The following MAN2A1 variants were observed in gnomAD, a reference collection of about 807,000 sequenced individuals.
MAN2A1 encodes the protein mannosidase alpha class 2A member 1, also known as alpha-mannosidase 2.
A neutral mutation model predicts 142.6 loss-of-function variants in MAN2A1; 76 were observed. That is an observed-to-expected ratio of 0.53 (90% confidence interval 0.44 to 0.65). The LOEUF is 0.65. Ranked by LOEUF, MAN2A1 falls within the 30% of genes least tolerant of loss-of-function variation. The probability of loss-of-function intolerance (pLI) is 0.00; values close to 1 mark genes in which losing one functional copy is unlikely to be tolerated. For synonymous variants in MAN2A1, 559 were observed against 473.2 expected (o/e 1.18, Z -2.35); for missense variants, 1,311 against 1,365.1 (o/e 0.96, Z 0.62).
At chr5:109,840,573 G>A in intron 16 of MAN2A1, 1 of 504,332 alleles carries the variant, frequency 2.0e-6, no homozygotes, top group South Asian at 1.4e-5. Context: ...CCTGCTCTTT[G>A]TTTCCTTAAC....
chr5:109,716,046 A>G, intron 2 of MAN2A1, 74 bp from the exon 3 acceptor site: 2 of 1,052,212 alleles, frequency 1.9e-6, no homozygotes, highest in Non-Finnish European at 1.4e-6. Context: ...AGCAGTGAAT[A>G]ATTTTGAGCA....
Position 109,855,228 on chromosome 5 carries a change from A to G in MAN2A1, c.3065A>G (p.Asn1022Ser), listed in dbSNP as rs771637891. 1.2e-6 allele frequency: 2 copies of G among 1,602,520 alleles called. No individual in the cohort carries two copies. The highest frequency in any genetic ancestry group is 1.1e-5 in the South Asian group (1 of 89,520). The change falls in exon 20 of 22, where the codon AAT becomes AGT. Residue 1022 changes from asparagine to serine, a missense_variant. Physicochemically the swap from Asn to Ser is conservative, Grantham distance 46. Coordinates refer to ENST00000261483, the MANE Select transcript of MAN2A1 (RefSeq NM_002372.4). ...LMNHPVIPMA[N>S]KFSSPTLELQ... ...AATCATCCAGTCATTCCAATGGCAA[A>G]TAAGTTCTCCTCACCTACCCTTGAG...
At chr5:109,722,916 T>C (rs1020164599) in intron 3 of MAN2A1, among the ~76,000 whole-genome samples, 2 of 152,170 alleles carry the variant, frequency 1.3e-5, no homozygotes, top group Non-Finnish European at 2.9e-5. Context: ...GAAGACTTAC[T>C]ATGCCTGAAG....
chr5:109,694,335 G>A (rs1486775736), intron 1 of MAN2A1, among the ~76,000 whole-genome samples: 5 of 151,844 alleles, frequency 3.3e-5, no homozygotes, highest in Admixed American at 2.0e-4. Context: ...GTGAGAACTT[G>A]TATACCTTTT....
At chr5:109,760,825 C>G (rs1197363878) in intron 5 of MAN2A1, among the ~76,000 whole-genome samples, 1 of 151,732 alleles carries the variant, frequency 6.6e-6, no homozygotes, top group Admixed American at 6.6e-5. Flanking sequence ...GGTGATATCC[C>G]CTTTATCATT....
At chr5:109,856,249 G>A (rs1352159859) in intron 20 of MAN2A1, among the ~76,000 whole-genome samples, 2 of 152,130 alleles carry the variant, frequency 1.3e-5, no homozygotes, top group African/African-American at 2.4e-5. Flanking sequence ...GGGAAAAATA[G>A]CAATAGTATA....
intron 3 of MAN2A1, among the ~76,000 whole-genome samples, chr5:109,726,952 T>C (rs138479062): frequency 5.3e-5 from 8 of 152,362 alleles, no homozygotes; most frequent in South Asian, 2.1e-4. Context: ...CCATTTCATT[T>C]ACATGGTCCT....
intron 19 of MAN2A1, among the ~76,000 whole-genome samples, chr5:109,849,434 TC>T (rs1554083498): frequency 6.6e-6 from 1 of 151,884 alleles, no homozygotes; most frequent in South Asian, 2.1e-4. Flanking sequence ...TTTTCAGTGT[TC>T]CCCCCAGTCA....
At chr5:109,778,473 T>C (rs1212495770) in intron 8 of MAN2A1, among the ~76,000 whole-genome samples, 2 of 152,256 alleles carry the variant, frequency 1.3e-5, no homozygotes, top group Admixed American at 6.5e-5. Flanking sequence ...ATGTTTGCTG[T>C]AGAATTTTGT....
At chr5:109,691,979 A>G (rs1301544933) in intron 1 of MAN2A1, among the ~76,000 whole-genome samples, 1 of 152,230 alleles carries the variant, frequency 6.6e-6, no homozygotes, top group African/African-American at 2.4e-5. Flanking sequence ...TCCCTCCAGT[A>G]ACCTCATTTT....
At chr5:109,806,063 G>T (rs1224688736) in intron 12 of MAN2A1, among the ~76,000 whole-genome samples, 1 of 152,174 alleles carries the variant, frequency 6.6e-6, no homozygotes, top group African/African-American at 2.4e-5. Flanking sequence ...TGGCACTGCA[G>T]GTGGGGAGGC....
intron 4 of MAN2A1, among the ~76,000 whole-genome samples, chr5:109,746,630 A>G (rs1752414776): frequency 6.7e-6 from 1 of 149,268 alleles, no homozygotes; most frequent in Non-Finnish European, 1.5e-5. Context: ...AGCATAACAT[A>G]AAATTTACTA....
chr5:109,852,805 A>T (rs1298649163), intron 19 of MAN2A1, among the ~76,000 whole-genome samples: 1 of 152,210 alleles, frequency 6.6e-6, no homozygotes, highest in Non-Finnish European at 1.5e-5. Flanking sequence ...TTATCATATG[A>T]TTTACAGTGG....
chr5:109,766,987 A>G lies in MAN2A1; in HGVS notation c.836-548A>G, dbSNP rs115837472. On this transcript the variant is annotated intron_variant, in intron 5 of 21. Transcript: ENST00000261483. ...AGCACCAGCATCATAATGACTTAAG[A>G]TTTAATGAAATATGGTATAGTTATT... Among the ~76,000 whole-genome samples the G allele has an allele frequency of 6.8e-3, 1,033 of 152,312 alleles. 16 individuals carry two copies. Among genetic ancestry groups the G allele is most frequent in the African/African-American group, 0.023 (968 of 41,584 alleles).
At chr5:109,723,603 G>C (rs1307601022) in intron 3 of MAN2A1, among the ~76,000 whole-genome samples, 1 of 152,072 alleles carries the variant, frequency 6.6e-6, no homozygotes, top group South Asian at 2.1e-4. Flanking sequence ...CACACTCTTA[G>C]TACAGTTATT....
chr5:109,801,372 G>A (rs1754027321), intron 12 of MAN2A1, among the ~76,000 whole-genome samples: 1 of 152,172 alleles, frequency 6.6e-6, no homozygotes, highest in Non-Finnish European at 1.5e-5. Context: ...AACTTTGTCA[G>A]AATTTCCACA....
Position 109,690,555 on chromosome 5 carries a change from A to C in MAN2A1, c.135+3A>C. ...GCCGCGAGGGCTCCTTCCCTCAGGT[A>C]AGCACCTGGGAAGGGGGCGCGGGGC... On this transcript the variant is annotated splice_donor_region_variant and intron_variant, in intron 1 of 21. Coordinates refer to ENST00000261483, the MANE Select transcript of MAN2A1 (RefSeq NM_002372.4). 1 of 1,595,946 alleles carries C rather than the reference A, an allele frequency of 6.3e-7. No individual in the cohort carries two copies. The highest frequency in any genetic ancestry group is 8.5e-7 in the Non-Finnish European group (1 of 1,171,176).
chr5:109,743,846 C>T (rs1752333391), intron 4 of MAN2A1, among the ~76,000 whole-genome samples: 1 of 152,104 alleles, frequency 6.6e-6, no homozygotes, highest in Admixed American at 6.6e-5. Context: ...TCTCAAAAGG[C>T]ACAGGCCACT....
intron 4 of MAN2A1, among the ~76,000 whole-genome samples, chr5:109,743,079 C>G (rs1193123906): frequency 6.6e-6 from 1 of 152,122 alleles, no homozygotes; most frequent in Non-Finnish European, 1.5e-5. Flanking sequence ...TCGATCACTC[C>G]ATTCTCCTCG....
Sources: allele counts gnomAD v4.1 joint callset (sites outside exome capture counted in the v4.1 genomes callset), GRCh38; gene constraint gnomAD v4.1.1; transcripts MANE v1.5; gene names NCBI Gene and HGNC (gene_info 2026-07-23, HGNC 2026-07-21).